The following IGF1R variants were observed in gnomAD, a reference collection of about 807,000 sequenced individuals.
IGF1R encodes the protein insulin like growth factor 1 receptor.
A neutral mutation model predicts 144.6 loss-of-function variants in IGF1R; 44 were observed. The ratio of observed to expected loss-of-function variants is 0.30; its 90% CI spans 0.24 to 0.39. IGF1R has a LOEUF of 0.39. Ranked by LOEUF, IGF1R falls within the 10% of genes least tolerant of loss-of-function variation. The pLI is 1.00. For missense variants in IGF1R, 1,355 were observed against 1,833.7 expected, an observed-to-expected ratio of 0.74 and a Z score of 4.77; for synonymous variants, 795 against 722.8, an observed-to-expected ratio of 1.10 and a Z score of -1.60.
At chr15:98,867,700 T>C (rs1421079760) in intron 2 of IGF1R, among the ~76,000 whole-genome samples, 1 of 152,226 alleles carries the variant, frequency 6.6e-6, no homozygotes, top group Non-Finnish European at 1.5e-5. Flanking sequence ...GTAGACCAAG[T>C]GTTAAATGAA....
In IGF1R at chr15:98,913,023, CTGAACTTAATT is replaced by C. The variant is rs780851553; in HGVS notation, c.1590-20_1590-10del. 4 of 1,585,662 alleles carry C rather than the reference CTGAACTTAATT, an allele frequency of 2.5e-6. No individual in the cohort carries two copies. Among genetic ancestry groups the C allele is most frequent in the Non-Finnish European group, 3.5e-6 (4 of 1,154,226 alleles). On this transcript the variant is annotated splice_polypyrimidine_tract_variant and intron_variant, in intron 7 of 20. Transcript: ENST00000650285. ...TTGATGTCAGAGCCCCGAACTTTCT[CTGAACTTAATT>C]GTCTTTCAGACCCTTTAAGAATGTC...
intron 2 of IGF1R, among the ~76,000 whole-genome samples, chr15:98,750,226 A>G (rs2054976004): frequency 6.6e-6 from 1 of 152,226 alleles, no homozygotes; most frequent in Non-Finnish European, 1.5e-5. Flanking sequence ...ACACTGGGGC[A>G]CCTGGCTGTG....
chr15:98,922,497 A>G (rs1193274990), intron 11 of IGF1R, 66 bp downstream of exon 11: 14 of 1,568,598 alleles, frequency 8.9e-6, no homozygotes, highest in South Asian at 3.3e-5. Flanking sequence ...GATGTGTTTT[A>G]TGGACACAGG....
In IGF1R at chr15:98,964,501, T is replaced by TTTAAG. The variant is rs2151749956; in HGVS notation, c.*7064_*7068dup. The TTTAAG allele has an allele frequency of 9.3e-6, 2 of 215,110 alleles. No individual in the cohort carries two copies. Among genetic ancestry groups the TTTAAG allele is most frequent in the South Asian group, 3.7e-4 (2 of 5,380 alleles). The allele number at this position is 215,110 out of a possible 1,614,324, so 13.3% of individuals were successfully genotyped here. ...TTTTTTCTAGTAAAGTACTACATGGTTTAAGTTAAATAAAATAATTCTGTA... is the reference window on the plus strand; with the variant it reads ...TTTTTTCTAGTAAAGTACTACATGGTTTAAGTTAAGTTAAATAAAATAATTCTGTA... On this transcript the variant is annotated 3_prime_UTR_variant, in exon 21 of 21. Transcript: ENST00000650285.
chr15:98,749,975 CG>C (rs2054968167), intron 2 of IGF1R, among the ~76,000 whole-genome samples: 1 of 150,626 alleles, frequency 6.6e-6, no homozygotes, highest in Non-Finnish European at 1.5e-5. Context: ...GATATTTGCT[CG>C]ACTTCTATCC....
chr15:98,683,808 A>G (rs1015926193), intron 1 of IGF1R, among the ~76,000 whole-genome samples: 2 of 152,200 alleles, frequency 1.3e-5, no homozygotes, highest in African/African-American at 4.8e-5. Flanking sequence ...AGGCGTGGAT[A>G]TTTGGAAATC....
At chr15:98,838,313 A>G (rs1052945869) in intron 2 of IGF1R, among the ~76,000 whole-genome samples, 2 of 152,206 alleles carry the variant, frequency 1.3e-5, no homozygotes, top group African/African-American at 4.8e-5. Flanking sequence ...TTAAAATGAC[A>G]TCTGCATCCT....
At chr15:98,673,234 G>C (rs1355634279) in intron 1 of IGF1R, among the ~76,000 whole-genome samples, 1 of 152,138 alleles carries the variant, frequency 6.6e-6, no homozygotes, top group African/African-American at 2.4e-5. Context: ...TGATGTACTG[G>C]CATGTCAGTG....
chr15:98,747,924 A>G (rs2054909601), intron 2 of IGF1R, among the ~76,000 whole-genome samples: 1 of 152,178 alleles, frequency 6.6e-6, no homozygotes, highest in African/African-American at 2.4e-5. Flanking sequence ...ACTGATTTAC[A>G]TATATTTCAT....
chr15:98,691,485 T>G (rs918297003), intron 1 of IGF1R, among the ~76,000 whole-genome samples: 1 of 151,472 alleles, frequency 6.6e-6, no homozygotes, highest in Non-Finnish European at 1.5e-5. Flanking sequence ...TGCTTCAGCC[T>G]CCCGAGTAGC....
chr15:98,954,460 A>G (rs1015402529), intron 20 of IGF1R: 14 of 152,116 alleles, frequency 9.2e-5, no homozygotes, highest in Non-Finnish European at 2.1e-4. Flanking sequence ...ATCCTTCTAG[A>G]GTCTAATGGA....
intron 1 of IGF1R, among the ~76,000 whole-genome samples, chr15:98,671,053 C>T (rs538977486): frequency 2.2e-4 from 33 of 152,260 alleles, no homozygotes; most frequent in Non-Finnish European, 4.3e-4. Context: ...CTCCTGTGTG[C>T]GGGCATTTGT....
chr15:98,784,745 C>A (rs1042767371), intron 2 of IGF1R, among the ~76,000 whole-genome samples: 6 of 152,072 alleles, frequency 3.9e-5, no homozygotes, highest in African/African-American at 1.4e-4. Context: ...ACAATAAAGA[C>A]AACAAATTTA....
At chr15:98,930,542 G>A (rs753098963) in intron 15 of IGF1R, among the ~76,000 whole-genome samples, 11 of 152,130 alleles carry the variant, frequency 7.2e-5, no homozygotes, top group Non-Finnish European at 1.3e-4. Context: ...GGAAACACAG[G>A]CTTTAGAGAT....
intron 5 of IGF1R, among the ~76,000 whole-genome samples, chr15:98,904,883 C>T (rs757776680): frequency 1.3e-5 from 2 of 152,230 alleles, no homozygotes; most frequent in Non-Finnish European, 2.9e-5. Context: ...GGGACTTTCA[C>T]ACTTCAGAGA....
At chr15:98,837,326 A>G (rs915355587) in intron 2 of IGF1R, among the ~76,000 whole-genome samples, 5 of 151,734 alleles carry the variant, frequency 3.3e-5, no homozygotes, top group African/African-American at 1.2e-4. Flanking sequence ...GCAACCTCCA[A>G]CTCCCTGGTT....
At chr15:98,859,439 C>CA (rs2012022812) in intron 2 of IGF1R, among the ~76,000 whole-genome samples, 1 of 152,318 alleles carries the variant, frequency 6.6e-6, no homozygotes, top group East Asian at 1.9e-4. Context: ...TGTTTGCACT[C>CA]AGACACTCTA....
intron 13 of IGF1R, 116 bp downstream of exon 13, chr15:98,924,800 C>A: frequency 1.0e-6 from 1 of 965,474 alleles, no homozygotes; most frequent in Non-Finnish European, 1.6e-6. Context: ...AGTTGGCCAG[C>A]TTCCAGAAGG....
Position 98,960,807 on chromosome 15 carries a change from C to G in IGF1R, c.*3365C>G. 4.3e-6 allele frequency: 1 copy of G among 233,938 alleles called. No individual in the cohort carries two copies. The highest frequency in any genetic ancestry group is 8.5e-6 in the Non-Finnish European group (1 of 118,244). 14.5% of individuals were successfully genotyped at this position (233,938 alleles called of 1,614,324 possible). A position where few individuals can be genotyped will look rare whatever the true frequency, so the allele number is the denominator to read the frequency against. On this transcript the variant is annotated 3_prime_UTR_variant, in exon 21 of 21. Transcript: ENST00000650285. ...CCCCTCCCCCTCCAGGCTGCCCTCT[C>G]AACTTCTCCCTCACCTCCTTCCCTA... is the stretch of plus-strand genomic sequence containing the variant.
Sources: gnomAD v4.1 joint callset for allele counts (sites outside exome capture counted in the v4.1 genomes callset) on GRCh38, gnomAD v4.1.1 for gene constraint, MANE v1.5 for transcripts, NCBI Gene and HGNC (gene_info 2026-07-23, HGNC 2026-07-21) for gene names.